ZNF211: variants seen among roughly 807,000 people sequenced by gnomAD.
ZNF211 encodes the protein zinc finger protein C2H2-25.
ZNF211 carries 18 observed loss-of-function variants against 12.1 expected under a neutral mutation model. That is an observed-to-expected ratio of 1.48 (90% CI 1.03 to 2.20). The LOEUF is 2.20. ZNF211 is among the 30% of genes most tolerant of loss of function. ZNF211 has a pLI of 0.00. For missense variants in ZNF211, 677 were observed against 703.1 expected, an observed-to-expected ratio of 0.96 and a Z score of 0.42; for synonymous variants, 249 against 246.0, an observed-to-expected ratio of 1.01 and a Z score of -0.11.
rs1224117499 is a variant in ZNF211, at chr19:57,641,744, A to G, written c.1297A>G (p.Thr433Ala). ...CCTCATTCACCACCGGAGACTTCAC[A>G]CTGGAGAAAGACCCTATGAGTGCAG... ...SSLIHHRRLH[T>A]GERPYECSKC... Residue 433 changes from threonine (T) to alanine (A), a missense_variant, in exon 4 of 4, where the codon ACT (threonine) becomes GCT (alanine). Coordinates refer to ENST00000240731, the MANE Select transcript of ZNF211 (RefSeq NM_006385.5). 2.5e-6 allele frequency: 4 copies of G among 1,614,166 alleles called. No individual in the cohort carries two copies. Among genetic ancestry groups the G allele is most frequent in the Admixed American group, 1.7e-5 (1 of 60,008 alleles).
intron 1 of ZNF211, 70 bp downstream of exon 1, chr19:57,633,506 C>T (rs77671222): frequency 0.02 from 30,561 of 1,518,860 alleles, 370 homozygotes; most frequent in Non-Finnish European, 0.023. Context: ...CACCAGCTCA[C>T]GTCTCTGTAG....
intron 3 of ZNF211, among the ~76,000 whole-genome samples, chr19:57,640,264 T>G (rs1437903967): frequency 2.6e-5 from 4 of 152,260 alleles, no homozygotes; most frequent in Non-Finnish European, 5.9e-5. Flanking sequence ...CTACCTGTTC[T>G]TTTCACTGTT....
chr19:57,633,861 G>T (rs2122160103), intron 1 of ZNF211, 162 bp from the exon 2 acceptor site: 2 of 1,603,356 alleles, frequency 1.2e-6, no homozygotes, highest in East Asian at 4.5e-5. Flanking sequence ...TTTTTCCAAG[G>T]CCACACAACT....
In ZNF211 at chr19:57,641,725, T is replaced by G. The variant is rs370520560; in HGVS notation, c.1278T>G (p.Ile426Met). ...GKSFSRSSSL[I>M]HHRRLHTGER... ...CCTTTAGCCGAAGCTCCAGCCTCAT[T>G]CACCACCGGAGACTTCACACTGGAG... The change falls in exon 4 of 4, where the codon ATT (isoleucine) becomes ATG (methionine). Residue 426 changes from isoleucine to methionine, a missense_variant. By Grantham distance (10) the Ile-to-Met change is conservative. Transcript: ENST00000240731. The G allele has an allele frequency of 5.0e-6, 8 of 1,613,730 alleles. No homozygotes were observed. Among genetic ancestry groups the G allele is most frequent in the Non-Finnish European group, 5.9e-6 (7 of 1,179,958 alleles).
At chr19:57,637,572 C>T (rs750480812) in intron 3 of ZNF211, among the ~76,000 whole-genome samples, 5 of 152,122 alleles carry the variant, frequency 3.3e-5, no homozygotes, top group African/African-American at 4.8e-5. Flanking sequence ...TTTGTTGAAC[C>T]ATCCTTGCAT....
intron 3 of ZNF211, among the ~76,000 whole-genome samples, chr19:57,637,785 C>G (rs1599959817): frequency 6.6e-6 from 1 of 151,940 alleles, no homozygotes; most frequent in East Asian, 1.9e-4. Flanking sequence ...TGTGTGTATG[C>G]TACAGTTTTT....
intron 1 of ZNF211, 73 bp downstream of exon 1, chr19:57,633,509 C>G (rs1162114905): frequency 6.6e-7 from 1 of 1,511,558 alleles, no homozygotes; most frequent in East Asian, 2.4e-5. Context: ...CAGCTCACGT[C>G]TCTGTAGCAC....
In ZNF211 at chr19:57,641,306, C is replaced by G; in HGVS notation, c.859C>G (p.Gln287Glu). The G allele has an allele frequency of 6.2e-7, 1 of 1,614,174 alleles. No homozygotes were observed. Among genetic ancestry groups the G allele is most frequent in the Non-Finnish European group, 8.5e-7 (1 of 1,180,036 alleles). ...ATGTACGCGAAGATGTAACCTCATT[C>G]AGCACCAGAAAGTCCACAGTGAAGA... ...KACTRRCNLIQHQKVHSEERP... is the reference protein window; with the variant it reads ...KACTRRCNLIEHQKVHSEERP... Residue 287 changes from glutamine to glutamate, a missense_variant, in exon 4 of 4, where the codon CAG (glutamine) becomes GAG (glutamate). Transcript: ENST00000240731.
At chr19:57,638,354 T>G (rs931329986) in intron 3 of ZNF211, among the ~76,000 whole-genome samples, 1 of 152,202 alleles carries the variant, frequency 6.6e-6, no homozygotes, top group East Asian at 1.9e-4. Context: ...TTCCTCTTTT[T>G]ATAATCCCTT....
intron 3 of ZNF211, among the ~76,000 whole-genome samples, chr19:57,640,456 T>G (rs2360540): frequency 0.18 from 27,486 of 152,160 alleles, 2,654 homozygotes; most frequent in East Asian, 0.32. Flanking sequence ...ATTAATTGTA[T>G]AACATGCCTC....
Position 57,642,907 on chromosome 19 carries a change from C to T in ZNF211, c.*726C>T, listed in dbSNP as rs1599980299. The T allele has an allele frequency of 6.6e-6, 1 of 152,064 alleles. No individual in the cohort carries two copies. Among genetic ancestry groups the T allele is most frequent in the Non-Finnish European group, 1.5e-5 (1 of 68,036 alleles). The allele number at this position is 152,064 out of a possible 1,614,324, so 9.4% of individuals were successfully genotyped here. On this transcript the variant is annotated 3_prime_UTR_variant, in exon 4 of 4. Transcript: ENST00000240731. ...GTGACAACAGTATAATGGAAAAATACAACTGTCTTTCCAGCTTTGGCCTAA... is the reference window on the plus strand; with the variant it reads ...GTGACAACAGTATAATGGAAAAATATAACTGTCTTTCCAGCTTTGGCCTAA...
chr19:57,633,948 A>G, intron 1 of ZNF211, 75 bp from the exon 2 acceptor site: 1 of 1,607,716 alleles, frequency 6.2e-7, no homozygotes, highest in South Asian at 1.1e-5. Context: ...GGGCCGGGGC[A>G]AGGGTACAGG....
Position 57,641,287 on chromosome 19 carries a change from G to A in ZNF211, c.840G>A (p.Thr280=), listed in dbSNP as rs147430705. The change falls in exon 4 of 4, where the codon ACG becomes ACA. Residue 280 remains threonine (T), a synonymous_variant. Transcript: ENST00000240731. ...GCAGTAAATGTGGGAAAGCATGTACGCGAAGATGTAACCTCATTCAGCACC... is the reference window on the plus strand; with the variant it reads ...GCAGTAAATGTGGGAAAGCATGTACACGAAGATGTAACCTCATTCAGCACC... ...FECSKCGKAC[T]RRCNLIQHQK... is the part of the protein sequence containing the mutation. 342 of 1,614,198 alleles carry A rather than the reference G, an allele frequency of 2.1e-4. 1 individual carries two copies. The African/African-American group carries it at 3.7e-3, about 17-fold the overall frequency.
Position 57,642,523 on chromosome 19 carries a change from AATC to A in ZNF211, c.*345_*347del, listed in dbSNP as rs1202085949. The A allele has an allele frequency of 4.8e-6, 1 of 210,180 alleles. No individual in the cohort carries two copies. The highest frequency in any genetic ancestry group is 2.3e-5 in the African/African-American group (1 of 43,536). 13.0% of individuals were successfully genotyped at this position (210,180 alleles called of 1,614,324 possible). A position where few individuals can be genotyped will look rare whatever the true frequency, so the allele number is the denominator to read the frequency against. ...CTGCTTCTCCCCATTTGCTAGAAGA[AATC>A]ATGAATAGTCTGAGTCTTCCTCTCT... On this transcript the variant is annotated 3_prime_UTR_variant, in exon 4 of 4. Transcript: ENST00000240731.
intron 3 of ZNF211, 170 bp downstream of exon 3, chr19:57,634,925 C>G (rs1349015368): frequency 3.0e-6 from 3 of 985,300 alleles, no homozygotes; most frequent in Non-Finnish European, 2.4e-6. Flanking sequence ...CGTCCCAGCC[C>G]AAAAGCATCT....
Position 57,634,774 on chromosome 19 carries a change from C to G in ZNF211, c.256+19C>G. 6.4e-7 allele frequency: 1 copy of G among 1,551,226 alleles called. No individual in the cohort carries two copies. The highest frequency in any genetic ancestry group is 8.7e-7 in the Non-Finnish European group (1 of 1,147,934). On this transcript the variant is annotated intron_variant, in intron 3 of 3. Coordinates refer to ENST00000240731, the MANE Select transcript of ZNF211 (RefSeq NM_006385.5). ...TCCCTGGGTAAGGCCCTCATACTCACCCTTGTGCCCTGGACTAGGCTCTCT... is the reference window on the plus strand; with the variant it reads ...TCCCTGGGTAAGGCCCTCATACTCAGCCTTGTGCCCTGGACTAGGCTCTCT...
chr19:57,640,316 G>A (rs1249470898), intron 3 of ZNF211, among the ~76,000 whole-genome samples: 1 of 152,166 alleles, frequency 6.6e-6, no homozygotes, highest in Non-Finnish European at 1.5e-5. Context: ...CCTGAAGTGT[G>A]CATATCTCCC....
In ZNF211 at chr19:57,640,367, T is replaced by C. The variant is rs181993710; in HGVS notation, c.257-337T>C. 1.6e-4 allele frequency among the ~76,000 whole-genome samples: 24 copies of C among 152,282 alleles called. No individual in the cohort carries two copies. The East Asian group carries it at 4.4e-3, about 28-fold the overall frequency. ...CACCAGTTACTGTTCCAGTGAGATTTTCCTGGGCCTGGGCATACACTTCAC... is the reference window on the plus strand; with the variant it reads ...CACCAGTTACTGTTCCAGTGAGATTCTCCTGGGCCTGGGCATACACTTCAC... On this transcript the variant is annotated intron_variant, in intron 3 of 3. Transcript: ENST00000240731.
chr19:57,637,951 T>G (rs1440496865), intron 3 of ZNF211, among the ~76,000 whole-genome samples: 7 of 149,080 alleles, frequency 4.7e-5, no homozygotes. Context: ...CAGGCTAGAG[T>G]GCAGTGGTGT....
Sources: allele counts gnomAD v4.1 joint callset (sites outside exome capture counted in the v4.1 genomes callset), GRCh38; gene constraint gnomAD v4.1.1; transcripts MANE v1.5; gene names NCBI Gene and HGNC (gene_info 2026-07-23, HGNC 2026-07-21).